The following DEFB125 variants were observed in gnomAD, a reference collection of about 807,000 sequenced individuals.
DEFB125 encodes defensin beta 125.
A neutral mutation model predicts 11.8 loss-of-function variants in DEFB125; 11 were observed. That is an observed-to-expected ratio of 0.94 (90% CI 0.59 to 1.55). The LOEUF (loss-of-function observed/expected upper bound fraction) is 1.55. DEFB125 is among the 40% of genes most tolerant of loss of function. The pLI is 0.00. For synonymous variants in DEFB125, 79 were observed against 66.7 expected, an observed-to-expected ratio of 1.18 and a Z score of -0.90; for missense variants, 198 against 191.2, an observed-to-expected ratio of 1.04 and a Z score of -0.21.
At chr20:90,887 A>AGCCAAGGCATTAGAG (rs2054493795) in intron 1 of DEFB125, among the ~76,000 whole-genome samples, 1 of 152,178 alleles carries the variant, frequency 6.6e-6, no homozygotes, top group African/African-American at 2.4e-5. Flanking sequence ...CTGTTTAATC[A>AGCCAAGGCATTAGAG]TCACCTTGTT....
chr20:88,865 G>GACACACACACACACACACACAC (rs200122767), intron 1 of DEFB125, among the ~76,000 whole-genome samples: 1 of 148,428 alleles, frequency 6.7e-6, no homozygotes, highest in Non-Finnish European at 1.5e-5. Flanking sequence ...TGGACACGTG[G>GACACACACACACACACACACAC]ACACACACAC....
rs2054516956 is a variant in DEFB125, at chr20:96,623, C to A, written c.*206C>A. ...TGTAGACAGAAATGTATAGAAGATA[C>A]AAGGATTCTCTTAATTGGACTTAAA... On this transcript the variant is annotated 3_prime_UTR_variant, in exon 2 of 2. Transcript: ENST00000382410. 1.8e-6 allele frequency: 1 copy of A among 555,110 alleles called. No individual in the cohort carries two copies. Among genetic ancestry groups the A allele is most frequent in the Non-Finnish European group, 3.1e-6 (1 of 327,654 alleles). The allele number at this position is 555,110 out of a possible 1,614,324, so 34.4% of individuals were successfully genotyped here. A position where few individuals can be genotyped will look rare whatever the true frequency, so the allele number is the denominator to read the frequency against.
At chr20:89,851 CTT>C (rs559594284) in intron 1 of DEFB125, among the ~76,000 whole-genome samples, 3 of 151,778 alleles carry the variant, frequency 2.0e-5, no homozygotes, top group African/African-American at 7.3e-5. Flanking sequence ...CTCTCTTTCT[CTT>C]TTATTTTGGA....
intron 1 of DEFB125, among the ~76,000 whole-genome samples, chr20:90,158 A>T (rs959098231): frequency 6.6e-6 from 1 of 152,208 alleles, no homozygotes; most frequent in Non-Finnish European, 1.5e-5. Flanking sequence ...AGAAACATAC[A>T]ATTGCTAGTC....
chr20:92,078 C>T (rs11698144), intron 1 of DEFB125, among the ~76,000 whole-genome samples: 3,657 of 152,182 alleles, frequency 0.024, 64 homozygotes, highest in Middle Eastern at 0.13. Context: ...ATACATACAT[C>T]TATATATGTT....
intron 1 of DEFB125, among the ~76,000 whole-genome samples, chr20:88,629 T>C (rs2054485109): frequency 1.3e-5 from 2 of 152,104 alleles, no homozygotes; most frequent in African/African-American, 4.8e-5. Context: ...CAATTGCAAA[T>C]GCACCATGTG....
chr20:90,339 G>A (rs60263736), intron 1 of DEFB125, among the ~76,000 whole-genome samples: 6,619 of 152,034 alleles, frequency 0.044, 242 homozygotes, highest in African/African-American at 0.09. Flanking sequence ...CCAAATTCTT[G>A]GAATTATCTA....
Position 96,111 on chromosome 20 carries a change from C to T in DEFB125, c.165C>T (p.Cys55=), listed in dbSNP as rs1180582566. The stretch of plus-strand genomic sequence containing the variant: ...TTCTTTGTAGGAACAAGCTATCATG[C>T]TGCATTTCTATAATATCACATGAAT... ...YILLCRNKLS[C]CISIISHEYT... The change falls in exon 2 of 2, where the codon TGC becomes TGT. Residue 55 remains cysteine (C), a synonymous_variant. Coordinates refer to ENST00000382410, the MANE Select transcript of DEFB125 (RefSeq NM_153325.4). The T allele has an allele frequency of 1.2e-6, 2 of 1,613,992 alleles. No homozygotes were observed. Among genetic ancestry groups the T allele is most frequent in the Non-Finnish European group, 1.7e-6 (2 of 1,180,022 alleles).
At chr20:94,507 C>T (rs2054507514) in intron 1 of DEFB125, among the ~76,000 whole-genome samples, 1 of 152,112 alleles carries the variant, frequency 6.6e-6, no homozygotes, top group Non-Finnish European at 1.5e-5. Flanking sequence ...AGATCCCTCA[C>T]ATGCACAGTT....
chr20:95,872 G>T, intron 1 of DEFB125, 133 bp from the exon 2 acceptor site: 1 of 792,708 alleles, frequency 1.3e-6, no homozygotes, highest in Non-Finnish European at 1.9e-6. Context: ...TCTCCTGTTT[G>T]TCTCTTACAA....
chr20:96,535 G>A lies in DEFB125; in HGVS notation c.*118G>A. 7.8e-7 allele frequency: 1 copy of A among 1,275,042 alleles called. No homozygotes were observed. 79.0% of individuals were successfully genotyped at this position (1,275,042 alleles called of 1,614,324 possible). ...TTCCATCAGGGATTGGATGACCATGGGGATGGACATAATTGCTACTACCAA... is the reference window on the plus strand; with the variant it reads ...TTCCATCAGGGATTGGATGACCATGAGGATGGACATAATTGCTACTACCAA... On this transcript the variant is annotated 3_prime_UTR_variant, in exon 2 of 2. Transcript: ENST00000382410.
intron 1 of DEFB125, among the ~76,000 whole-genome samples, chr20:89,121 A>G (rs557446582): frequency 6.6e-6 from 1 of 152,314 alleles, no homozygotes; most frequent in South Asian, 2.1e-4. Flanking sequence ...AGATTTCTAA[A>G]CTTTCTTAAT....
At chr20:89,318 C>T (rs2054488094) in intron 1 of DEFB125, among the ~76,000 whole-genome samples, 1 of 151,970 alleles carries the variant, frequency 6.6e-6, no homozygotes. Context: ...TTATAAACTG[C>T]TGTATTTGTT....
At chr20:90,040 G>A (rs1207116975) in intron 1 of DEFB125, among the ~76,000 whole-genome samples, 2 of 152,116 alleles carry the variant, frequency 1.3e-5, no homozygotes, top group African/African-American at 4.8e-5. Context: ...CAGTGGACTG[G>A]TATCCATAGA....
chr20:88,315 A>T (rs992607307), intron 1 of DEFB125, among the ~76,000 whole-genome samples: 1 of 152,176 alleles, frequency 6.6e-6, no homozygotes, highest in Admixed American at 6.5e-5. Flanking sequence ...TAGACAGACT[A>T]GTGACCAATG....
chr20:90,135 G>A (rs1386519775), intron 1 of DEFB125, among the ~76,000 whole-genome samples: 1 of 152,054 alleles, frequency 6.6e-6, no homozygotes, highest in Non-Finnish European at 1.5e-5. Context: ...TTGGCTAGAT[G>A]GCTCCCCTAC....
At chr20:94,173 G>C (rs1473420347) in intron 1 of DEFB125, among the ~76,000 whole-genome samples, 1 of 151,970 alleles carries the variant, frequency 6.6e-6, no homozygotes, top group Non-Finnish European at 1.5e-5. Flanking sequence ...AAGATGCAGA[G>C]TGATATTTTG....
chr20:90,113 T>A (rs2054490965), intron 1 of DEFB125, among the ~76,000 whole-genome samples: 1 of 152,170 alleles, frequency 6.6e-6, no homozygotes, highest in African/African-American at 2.4e-5. Context: ...ACTCCACACA[T>A]GGGATAATGT....
At chr20:88,974 A>G (rs1217172197) in intron 1 of DEFB125, among the ~76,000 whole-genome samples, 1 of 151,890 alleles carries the variant, frequency 6.6e-6, no homozygotes, top group East Asian at 1.9e-4. Flanking sequence ...CCACACCCTC[A>G]TCAGTCCTTT....
Sources: gnomAD v4.1 joint callset for allele counts (sites outside exome capture counted in the v4.1 genomes callset) on GRCh38, gnomAD v4.1.1 for gene constraint, MANE v1.5 for transcripts, NCBI Gene and HGNC (gene_info 2026-07-23, HGNC 2026-07-21) for gene names.